The following PCLO variants were observed in gnomAD, a reference collection of about 807,000 sequenced individuals.
The protein encoded by PCLO is protein piccolo.
In PCLO, 82 loss-of-function variants were observed where a neutral mutation model predicts 427.5. The observed-to-expected ratio is 0.19, with a 90% CI of 0.16 to 0.23. The LOEUF is 0.23. Ranked by LOEUF, PCLO falls within the 10% of genes least tolerant of loss-of-function variation. The pLI, the probability that PCLO is intolerant of heterozygous loss-of-function variation, is 1.00. For missense variants in PCLO, 6,239 were observed against 6,115.9 expected (o/e 1.02, Z -0.67); for synonymous variants, 2,357 against 2,155.4 (o/e 1.09, Z -2.59).
Position 82,758,508 on chromosome 7 carries a change from T to A in PCLO, c.*67A>T. On this transcript the variant is annotated 3_prime_UTR_variant, in exon 25 of 25. Transcript: ENST00000333891. ...CTCAAAACTTAGCTTTGTACAATAGTATTCAACTATAGTCTTGATGTGAGG... is the reference window on the plus strand; with the variant it reads ...CTCAAAACTTAGCTTTGTACAATAGAATTCAACTATAGTCTTGATGTGAGG... The A allele has an allele frequency of 1.5e-6, 2 of 1,359,530 alleles. No homozygotes were observed. Among genetic ancestry groups the A allele is most frequent in the Non-Finnish European group, 2.0e-6 (2 of 986,520 alleles). 84.2% of individuals were successfully genotyped at this position (1,359,530 alleles called of 1,614,324 possible). A position where few individuals can be genotyped will look rare whatever the true frequency, so the allele number is the denominator to read the frequency against.
At chr7:82,766,950 G>A (rs1790543867) in intron 22 of PCLO, among the ~76,000 whole-genome samples, 1 of 152,264 alleles carries the variant, frequency 6.6e-6, no homozygotes, top group East Asian at 1.9e-4. Context: ...TGCTTACTGA[G>A]GTTGTCTCAA....
At chr7:82,964,724 T>C (rs1359836271) in intron 4 of PCLO, among the ~76,000 whole-genome samples, 3 of 152,106 alleles carry the variant, frequency 2.0e-5, no homozygotes, top group Non-Finnish European at 4.4e-5. Flanking sequence ...GTGGTGGCGG[T>C]GGCTAGATTC....
At chr7:82,903,038 G>A (rs190760475) in intron 8 of PCLO, among the ~76,000 whole-genome samples, 2 of 152,108 alleles carry the variant, frequency 1.3e-5, no homozygotes, top group East Asian at 3.9e-4. Flanking sequence ...TACTACAGTA[G>A]TATGCAGTCA....
chr7:83,074,144 C>T (rs1417546023), intron 3 of PCLO, among the ~76,000 whole-genome samples: 1 of 151,862 alleles, frequency 6.6e-6, no homozygotes, highest in African/African-American at 2.4e-5. Flanking sequence ...AAATAATTTT[C>T]TCATTATATC....
intron 3 of PCLO, among the ~76,000 whole-genome samples, chr7:82,973,729 A>G (rs1381073687): frequency 1.3e-5 from 2 of 152,062 alleles, no homozygotes; most frequent in African/African-American, 2.4e-5. Context: ...AAAACTTGCA[A>G]TGTAGGTTTC....
chr7:83,042,504 G>A (rs1383357410), intron 3 of PCLO, among the ~76,000 whole-genome samples: 1 of 152,090 alleles, frequency 6.6e-6, no homozygotes, highest in African/African-American at 2.4e-5. Context: ...AGATGATCTA[G>A]TCAAATTCTT....
At chr7:82,788,084 C>G (rs1388914768) in intron 22 of PCLO, among the ~76,000 whole-genome samples, 1 of 151,524 alleles carries the variant, frequency 6.6e-6, no homozygotes, top group African/African-American at 2.4e-5. Context: ...GTGAAATGGA[C>G]TCAGGCACTT....
At chr7:83,008,611 T>C (rs1240700041) in intron 3 of PCLO, among the ~76,000 whole-genome samples, 1 of 151,600 alleles carries the variant, frequency 6.6e-6, no homozygotes, top group Non-Finnish European at 1.5e-5. Flanking sequence ...ATGTTTCCTA[T>C]CGTGGATTCC....
Position 83,066,582 on chromosome 7 carries a change from CTT to C in PCLO, c.3300+67666_3300+67667del, listed in dbSNP as rs529736580. On this transcript the variant is annotated intron_variant, in intron 3 of 24. Transcript: ENST00000333891. ...TTCCCAGAAAGTTAACTTTAGGAGACTTTTCATATTTTCCTTTTTGTATGCGA... is the reference window on the plus strand; with the variant it reads ...TTCCCAGAAAGTTAACTTTAGGAGACTTCATATTTTCCTTTTTGTATGCGA... 1.6e-3 allele frequency among the ~76,000 whole-genome samples: 251 copies of C among 152,214 alleles called. 1 individual carries two copies. The highest frequency in any genetic ancestry group is 4.9e-3 in the African/African-American group (203 of 41,550).
At chr7:82,940,301 CGT>C (rs1795051144) in intron 6 of PCLO, among the ~76,000 whole-genome samples, 1 of 152,178 alleles carries the variant, frequency 6.6e-6, no homozygotes, top group African/African-American at 2.4e-5. Context: ...CATTTTAATA[CGT>C]GTCACACTGA....
intron 3 of PCLO, among the ~76,000 whole-genome samples, chr7:83,031,534 T>C (rs2116146114): frequency 1.3e-5 from 2 of 152,246 alleles, no homozygotes; most frequent in African/African-American, 4.8e-5. Flanking sequence ...AAATACCATG[T>C]TACACACAAA....
Position 82,915,116 on chromosome 7 carries a change from TCTGGACCTG to T in PCLO, c.12861_12869del (p.Ser4287_Ser4289del). The T allele has an allele frequency of 6.3e-7, 1 of 1,591,326 alleles. No individual in the cohort carries two copies. The highest frequency in any genetic ancestry group is 8.6e-7 in the Non-Finnish European group (1 of 1,168,016). On this transcript the variant is annotated inframe_deletion, in exon 7 of 25. Coordinates refer to ENST00000333891, the MANE Select transcript of PCLO (RefSeq NM_033026.6). ...AGACAGAGGAAGGTCTGGAGGAAGG[TCTGGACCTG>T]CTGCCACTACTGTATGGCTTATCCG...
chr7:83,034,002 AT>A (rs1258736665), intron 3 of PCLO, among the ~76,000 whole-genome samples: 2 of 152,174 alleles, frequency 1.3e-5, no homozygotes, highest in Non-Finnish European at 2.9e-5. Flanking sequence ...ACTTAGCCTT[AT>A]TCAAGTAATG....
intron 3 of PCLO, among the ~76,000 whole-genome samples, chr7:83,096,674 T>A (rs1023102284): frequency 8.9e-6 from 1 of 111,984 alleles, no homozygotes; most frequent in East Asian, 3.7e-4. Context: ...ATTTTGTCAA[T>A]ATTTTTTAAA....
intron 3 of PCLO, among the ~76,000 whole-genome samples, chr7:83,125,623 C>T (rs1392733482): frequency 6.6e-6 from 1 of 152,194 alleles, no homozygotes; most frequent in East Asian, 1.9e-4. Flanking sequence ...GCTGTGTCAA[C>T]TCAGGGTTAA....
At chr7:82,917,056 AT>A (rs989007647) in intron 6 of PCLO, among the ~76,000 whole-genome samples, 183 bp from the exon 7 acceptor site, 2 of 152,266 alleles carry the variant, frequency 1.3e-5, no homozygotes, top group East Asian at 1.9e-4. Context: ...CTGAAAAATA[AT>A]TTTTTAAATA....
intron 3 of PCLO, among the ~76,000 whole-genome samples, chr7:83,113,933 T>TA (rs1199073201): frequency 2.6e-5 from 4 of 152,156 alleles, no homozygotes; most frequent in South Asian, 2.1e-4. Flanking sequence ...GTTTCATATA[T>TA]AAAAAAACTC....
intron 22 of PCLO, among the ~76,000 whole-genome samples, chr7:82,766,942 C>T (rs575333073): frequency 6.6e-6 from 1 of 152,244 alleles, no homozygotes; most frequent in Admixed American, 6.5e-5. Context: ...AAAGGACGTG[C>T]TTACTGAGGT....
intron 3 of PCLO, among the ~76,000 whole-genome samples, chr7:83,043,043 G>A (rs776328917): frequency 5.9e-5 from 9 of 152,116 alleles, no homozygotes; most frequent in Non-Finnish European, 7.4e-5. Flanking sequence ...TGTTGCAGAC[G>A]GACTGTGCTG....
Sources: gnomAD v4.1 joint callset for allele counts (sites outside exome capture counted in the v4.1 genomes callset) on GRCh38, gnomAD v4.1.1 for gene constraint, MANE v1.5 for transcripts, NCBI Gene and HGNC (gene_info 2026-07-23, HGNC 2026-07-21) for gene names.